Variants in ELAVL2 observed in about 807,000 individuals in gnomAD.
ELAVL2 encodes the protein ELAV-like protein 2.
In ELAVL2, 4 loss-of-function variants were observed where a neutral mutation model predicts 34.6. That is an observed-to-expected ratio of 0.12 (90% CI 0.06 to 0.26). The LOEUF (loss-of-function observed/expected upper bound fraction) is 0.26, where lower values mean the gene tolerates loss of function less well. ELAVL2 is among the 10% of genes least tolerant of loss of function. The pLI is 1.00. For missense variants in ELAVL2, 432 were observed against 442.8 expected (o/e 0.98, Z 0.22); for synonymous variants, 193 against 154.8 (o/e 1.25, Z -1.83).
At chr9:23,774,853 G>A (rs185224046) in intron 1 of ELAVL2, among the ~76,000 whole-genome samples, 2 of 150,984 alleles carry the variant, frequency 1.3e-5, no homozygotes, top group African/African-American at 2.5e-5. Flanking sequence ...TCTAATCCAC[G>A]ATTATACCCT....
chr9:23,742,323 T>A (rs1392924202), intron 2 of ELAVL2, among the ~76,000 whole-genome samples: 1 of 152,208 alleles, frequency 6.6e-6, no homozygotes, highest in Non-Finnish European at 1.5e-5. Flanking sequence ...AAAGTGTTAA[T>A]AACTACCACA....
intron 5 of ELAVL2, among the ~76,000 whole-genome samples, chr9:23,696,194 G>A (rs1041856239): frequency 6.6e-6 from 1 of 151,846 alleles, no homozygotes; most frequent in Admixed American, 6.6e-5. Context: ...ACAGTGCCCA[G>A]GCACTGCTGA....
chr9:23,800,718 A>T (rs1270222725), intron 1 of ELAVL2, among the ~76,000 whole-genome samples: 2 of 152,250 alleles, frequency 1.3e-5, no homozygotes, highest in Non-Finnish European at 2.9e-5. Context: ...TACTTAAAAT[A>T]ACTTACAGTA....
chr9:23,796,016 C>T (rs187119690), intron 1 of ELAVL2, among the ~76,000 whole-genome samples: 16 of 152,234 alleles, frequency 1.1e-4, no homozygotes, highest in South Asian at 4.1e-4. Context: ...ATTATGAAAA[C>T]GAAGTGTACC....
chr9:23,696,914 A>T, intron 5 of ELAVL2, among the ~76,000 whole-genome samples: 1 of 151,680 alleles, frequency 6.6e-6, no homozygotes, highest in East Asian at 1.9e-4. Context: ...TTAAATATAT[A>T]TTTAAAATAA....
At position 23,762,897 on chromosome 9, in the gene ELAVL2, A is replaced by C. The variant is rs534820626; in HGVS notation, c.-15-648T>G. 2.0e-5 allele frequency among the ~76,000 whole-genome samples: 3 copies of C among 152,236 alleles called. No individual in the cohort carries two copies. The South Asian group carries it at 6.2e-4, about 32-fold the overall frequency. On this transcript the variant is annotated intron_variant, in intron 1 of 6. Transcript: ENST00000397312. ...AGGGAGTGGAAAGGAACTAACTGTA[A>C]GGTAACTTGGGAATGAGCTATGAAT...
At chr9:23,711,188 A>T (rs1340910425) in intron 3 of ELAVL2, among the ~76,000 whole-genome samples, 1 of 152,224 alleles carries the variant, frequency 6.6e-6, no homozygotes. Context: ...CAAACAGGAA[A>T]TTTTATAAAA....
chr9:23,848,325 G>T, the ELAVL2 span, among the ~76,000 whole-genome samples: 1 of 152,140 alleles, frequency 6.6e-6, no homozygotes, highest in East Asian at 1.9e-4. Context: ...CTAATACAAA[G>T]ACATAAAATA....
intron 1 of ELAVL2, among the ~76,000 whole-genome samples, chr9:23,792,195 G>C (rs530485140): frequency 6.6e-6 from 1 of 152,216 alleles, no homozygotes; most frequent in African/African-American, 2.4e-5. Context: ...ATAGGCTAAT[G>C]CAAGTGTTCT....
At chr9:23,725,477 G>A (rs908014082) in intron 3 of ELAVL2, among the ~76,000 whole-genome samples, 1 of 152,182 alleles carries the variant, frequency 6.6e-6, no homozygotes, top group Non-Finnish European at 1.5e-5. Flanking sequence ...GACCTACTGG[G>A]TGGCAAGCCC....
intron 1 of ELAVL2, among the ~76,000 whole-genome samples, chr9:23,807,321 T>G (rs1010268143): frequency 6.6e-6 from 1 of 152,172 alleles, no homozygotes; most frequent in Admixed American, 6.5e-5. Flanking sequence ...GAAAATTCAC[T>G]TCCTCATTTT....
At chr9:23,846,448 C>A in the ELAVL2 span, among the ~76,000 whole-genome samples, 1 of 151,826 alleles carries the variant, frequency 6.6e-6, no homozygotes, top group South Asian at 2.1e-4. Flanking sequence ...TTTTAAAAGT[C>A]TTGAAAATGA....
chr9:23,792,451 A>G (rs1474480049), intron 1 of ELAVL2, among the ~76,000 whole-genome samples: 1 of 151,898 alleles, frequency 6.6e-6, no homozygotes, highest in African/African-American at 2.4e-5. Context: ...ACCAATATCT[A>G]CCCCTCATCC....
intron 3 of ELAVL2, among the ~76,000 whole-genome samples, chr9:23,720,608 T>G (rs770285699): frequency 6.6e-6 from 1 of 152,180 alleles, no homozygotes; most frequent in East Asian, 1.9e-4. Context: ...AATGAGCAAA[T>G]TGTGTGTGAG....
chr9:23,845,252 T>C, the ELAVL2 span, among the ~76,000 whole-genome samples: 27 of 151,984 alleles, frequency 1.8e-4, no homozygotes, highest in African/African-American at 6.0e-4. Context: ...TAATTACATA[T>C]ATTCATTATT....
intron 1 of ELAVL2, among the ~76,000 whole-genome samples, chr9:23,777,804 C>G (rs2058459582): frequency 6.6e-6 from 1 of 152,168 alleles, no homozygotes; most frequent in Non-Finnish European, 1.5e-5. Flanking sequence ...ACTTCTTGCT[C>G]TAACTGGAAA....
At chr9:23,695,030 A>C (rs904016305) in intron 5 of ELAVL2, among the ~76,000 whole-genome samples, 1 of 152,234 alleles carries the variant, frequency 6.6e-6, no homozygotes, top group African/African-American at 2.4e-5. Context: ...AAAACTAGTA[A>C]GAGGATTGGT....
intron 5 of ELAVL2, among the ~76,000 whole-genome samples, chr9:23,699,818 T>TG (rs2036539978): frequency 3.1e-5 from 1 of 32,330 alleles, no homozygotes; most frequent in Non-Finnish European, 5.3e-5. Context: ...AAAGGTTTTT[T>TG]TTTTTTTTTT....
chr9:23,782,798 T>C (rs1471358733), intron 1 of ELAVL2, among the ~76,000 whole-genome samples: 1 of 152,210 alleles, frequency 6.6e-6, no homozygotes, highest in Middle Eastern at 3.2e-3. Context: ...TTTACCAGCC[T>C]GCTTGACCAC....
Sources: allele counts gnomAD v4.1 joint callset (sites outside exome capture counted in the v4.1 genomes callset), GRCh38; gene constraint gnomAD v4.1.1; transcripts MANE v1.5; gene names NCBI Gene and HGNC (gene_info 2026-07-23, HGNC 2026-07-21).